NTRK1: variants seen among roughly 807,000 people sequenced by gnomAD.
NTRK1 encodes neurotrophic receptor tyrosine kinase 1.
In NTRK1, 62 loss-of-function variants were observed where a neutral mutation model predicts 86.8. The ratio of observed to expected loss-of-function variants is 0.71; its 90% confidence interval spans 0.58 to 0.88. The LOEUF is 0.88. NTRK1 is among the 40% of genes least tolerant of loss of function. The pLI, the probability that NTRK1 is intolerant of heterozygous loss-of-function variation, is 0.00. For missense variants in NTRK1, 967 were observed against 1,078.4 expected, an observed-to-expected ratio of 0.90 and a Z score of 1.45; for synonymous variants, 469 against 456.6, an observed-to-expected ratio of 1.03 and a Z score of -0.35.
At chr1:156,832,050 T>C (rs981647996) in intron 1 of NTRK1, among the ~76,000 whole-genome samples, 4 of 152,174 alleles carry the variant, frequency 2.6e-5, no homozygotes, top group African/African-American at 4.8e-5. Flanking sequence ...CTGAGGTACA[T>C]GGTGGATTTT....
intron 16 of NTRK1, among the ~76,000 whole-genome samples, chr1:156,880,986 G>A (rs990151770): frequency 6.6e-6 from 1 of 152,186 alleles, no homozygotes; most frequent in Non-Finnish European, 1.5e-5. Context: ...ATCCCTAGAA[G>A]GGAGAAGTAA....
intron 2 of NTRK1, chr1:156,846,243 C>A: frequency 9.5e-7 from 1 of 1,050,320 alleles, no homozygotes; most frequent in Non-Finnish European, 1.3e-6. Flanking sequence ...GATCCTCACC[C>A]CTGGCTTCCT....
At chr1:156,851,511 C>A (rs1021007900) in intron 2 of NTRK1, 1 of 1,605,430 alleles carries the variant, frequency 6.2e-7, no homozygotes, top group Non-Finnish European at 8.5e-7. Flanking sequence ...TGAATGGGGG[C>A]CCCGGGAAGG....
chr1:156,836,162 C>T (rs1373760669), intron 1 of NTRK1, among the ~76,000 whole-genome samples: 1 of 152,142 alleles, frequency 6.6e-6, no homozygotes, highest in Non-Finnish European at 1.5e-5. Context: ...GGCTGGGAGC[C>T]AGAGTGGGCC....
chr1:156,824,616 T>C (rs772839353), intron 1 of NTRK1, among the ~76,000 whole-genome samples: 4 of 152,204 alleles, frequency 2.6e-5, no homozygotes, highest in Admixed American at 1.3e-4. Context: ...TTGGTGCCCA[T>C]TGGTCAGGCA....
chr1:156,839,141 G>A (rs1654685068), intron 1 of NTRK1, among the ~76,000 whole-genome samples: 1 of 152,260 alleles, frequency 6.6e-6, no homozygotes, highest in Admixed American at 6.5e-5. Flanking sequence ...GGTGGTCCTT[G>A]CTGCCCACCC....
intron 2 of NTRK1, chr1:156,845,663 C>A: frequency 6.2e-7 from 1 of 1,610,474 alleles, no homozygotes; most frequent in Non-Finnish European, 8.5e-7. Context: ...CAAACTTCTT[C>A]TGGAACGAGG....
chr1:156,857,980 GGTGTT>G (rs1393072980), upstream of NTRK1, among the ~76,000 whole-genome samples: 3 of 152,154 alleles, frequency 2.0e-5, no homozygotes, highest in Non-Finnish European at 2.9e-5. Flanking sequence ...CAGGCCCTGG[GGTGTT>G]GAGGAAGAGC....
intron 2 of NTRK1, 126 bp downstream of exon 2, chr1:156,864,554 A>C: frequency 8.5e-7 from 1 of 1,179,900 alleles, no homozygotes; most frequent in Non-Finnish European, 1.2e-6. Context: ...AGGGACTGGG[A>C]GAAGTCAGGA....
chr1:156,846,244 C>A, intron 2 of NTRK1: 1 of 1,052,810 alleles, frequency 9.5e-7, no homozygotes, highest in Non-Finnish European at 1.3e-6. Flanking sequence ...ATCCTCACCC[C>A]TGGCTTCCTA....
chr1:156,841,941 AT>A, intron 1 of NTRK1: 1 of 1,549,256 alleles, frequency 6.5e-7, no homozygotes, highest in South Asian at 1.1e-5. Context: ...CTCAGAACTC[AT>A]CCCATCCAAA....
At position 156,819,133 on chromosome 1, in the gene NTRK1, G is replaced by A. The variant is rs141812981; in HGVS notation, c.-64+3295G>A. Among the ~76,000 whole-genome samples the A allele has an allele frequency of 7.0e-3, 1,061 of 152,176 alleles. 17 individuals are homozygous for A. Among genetic ancestry groups the A allele is most frequent in the African/African-American group, 0.024 (1,009 of 41,510 alleles). ...TTCTCCTGCCTCAACCTCCCTTGTA[G>A]CTGGGACTACAGGTGAGCACCAACC... On this transcript the variant is annotated intron_variant, in intron 1 of 16. Coordinates refer to the NTRK1 transcript ENST00000392302.
At chr1:156,821,477 G>A (rs960656979) in intron 1 of NTRK1, among the ~76,000 whole-genome samples, 62 of 151,690 alleles carry the variant, frequency 4.1e-4, no homozygotes, top group African/African-American at 1.5e-3. Flanking sequence ...GTGTGTGTGT[G>A]TGTGTGTGTG....
chr1:156,850,716 A>T (rs976278161), intron 2 of NTRK1, among the ~76,000 whole-genome samples: 5 of 148,266 alleles, frequency 3.4e-5, no homozygotes, highest in Admixed American at 6.7e-5. Flanking sequence ...CACCATGCCC[A>T]TCTACTTTTT....
chr1:156,861,844 A>G (rs754609807), intron 1 of NTRK1, among the ~76,000 whole-genome samples: 5 of 152,130 alleles, frequency 3.3e-5, no homozygotes, highest in Non-Finnish European at 7.3e-5. Flanking sequence ...TCCCTTTGGT[A>G]CACGAAGCTG....
intron 4 of NTRK1, among the ~76,000 whole-genome samples, chr1:156,867,601 G>A (rs12070050): frequency 0.025 from 3,678 of 147,722 alleles, 122 homozygotes; most frequent in African/African-American, 0.08. Flanking sequence ...CCAAAGTGCC[G>A]GGATAACAGG....
At chr1:156,843,726 T>C (rs1341166863) in intron 2 of NTRK1, among the ~76,000 whole-genome samples, 1 of 152,234 alleles carries the variant, frequency 6.6e-6, no homozygotes, top group East Asian at 1.9e-4. Flanking sequence ...CTAGTCCCTA[T>C]AGCCAAGCTG....
intron 1 of NTRK1, among the ~76,000 whole-genome samples, chr1:156,862,651 A>G (rs1377140976): frequency 2.6e-5 from 4 of 152,064 alleles, no homozygotes; most frequent in Admixed American, 2.6e-4. Context: ...TAACGAGGAG[A>G]TAATGGACTC....
At chr1:156,867,036 T>C (rs977801132) in intron 4 of NTRK1, 58 bp downstream of exon 4, 1 of 1,554,374 alleles carries the variant, frequency 6.4e-7, no homozygotes, top group Admixed American at 1.7e-5. Flanking sequence ...CTGTGTGCAC[T>C]TGGGTCTGTT....
Sources: allele counts gnomAD v4.1 joint callset (sites outside exome capture counted in the v4.1 genomes callset), GRCh38; gene constraint gnomAD v4.1.1; transcripts MANE v1.5; gene names NCBI Gene and HGNC (gene_info 2026-07-23, HGNC 2026-07-21).